NFATC4: variants seen among roughly 807,000 people sequenced by gnomAD.
NFATC4 encodes nuclear factor of activated T cells 4, also known as nuclear factor of activated T-cells, cytoplasmic 4.
In NFATC4, 25 loss-of-function variants were observed where a neutral mutation model predicts 73.4. The observed-to-expected ratio is 0.34, with a 90% confidence interval of 0.25 to 0.48. The LOEUF (loss-of-function observed/expected upper bound fraction) is 0.48. Among genes scored for constraint, NFATC4 ranks in the 20% least tolerant of loss-of-function variants. The pLI is 0.99. For synonymous variants in NFATC4, 523 were observed against 510.3 expected (o/e 1.02, Z -0.34); for missense variants, 1,130 against 1,203.7 (o/e 0.94, Z 0.91).
At position 24,369,891 on chromosome 14, in the gene NFATC4, G is replaced by A; in HGVS notation, c.493G>A (p.Ala165Thr). The change falls in exon 2 of 10, where the codon GCC becomes ACC. Residue 165 changes from alanine to threonine, a missense_variant. Physicochemically the swap from Ala to Thr is moderately conservative, Grantham distance 58. Around this residue, in one of 3 missense-constraint regions of NFATC4, gnomAD observed 585 missense variants for 574.3 expected, o/e 1.02. Transcript: ENST00000250373. ...AGAAGCAGGGGGCCAGGGTGGGGGG[G>A]CCTTCTTCAGCCCAAGCCCTGGCAG... is the stretch of plus-strand genomic sequence containing the variant. ...YREAGGQGGGAFFSPSPGSSS... is the reference protein window; with the variant it reads ...YREAGGQGGGTFFSPSPGSSS... 6.2e-7 allele frequency: 1 copy of A among 1,611,308 alleles called. No homozygotes were observed. The highest frequency in any genetic ancestry group is 8.5e-7 in the Non-Finnish European group (1 of 1,179,094).
intron 2 of NFATC4, 47 bp from the exon 3 acceptor site, chr14:24,372,394 C>A: frequency 1.3e-6 from 2 of 1,596,070 alleles, no homozygotes; most frequent in Middle Eastern, 4.2e-4. Context: ...ACGGGCCTGA[C>A]TGGGGTCTGA....
rs778422832 is a variant in NFATC4 at position 24,370,606 on chromosome 14, G to T, written c.1196+12G>T. 1.9e-6 allele frequency: 3 copies of T among 1,596,526 alleles called. No individual in the cohort carries two copies. The highest frequency in any genetic ancestry group is 2.6e-6 in the Non-Finnish European group (3 of 1,167,228). On this transcript the variant is annotated intron_variant, in intron 2 of 9. Coordinates refer to ENST00000250373, the MANE Select transcript of NFATC4 (RefSeq NM_004554.5). ...AGCCCTATCTTCAGGTGAGGGTTGC[G>T]CCTGGCACTACCGCTCTCTCTAGCC...
At chr14:24,375,142 C>A (rs566094529) in intron 6 of NFATC4, among the ~76,000 whole-genome samples, 1 of 152,204 alleles carries the variant, frequency 6.6e-6, no homozygotes, top group Non-Finnish European at 1.5e-5. Flanking sequence ...CTCAAGTGAT[C>A]CTTCCACCTT....
intron 3 of NFATC4, 41 bp downstream of exon 3, chr14:24,372,644 C>T: frequency 1.2e-6 from 2 of 1,611,252 alleles, no homozygotes; most frequent in Non-Finnish European, 1.7e-6. Flanking sequence ...CTCTCCTCTC[C>T]CAGATAGGTT....
rs1222936250 is a variant in NFATC4, at chr14:24,369,838, C to T, written c.440C>T (p.Pro147Leu). 6.2e-7 allele frequency: 1 copy of T among 1,606,094 alleles called. No homozygotes were observed. The highest frequency in any genetic ancestry group is 2.2e-5 in the East Asian group (1 of 44,624). ...AWGDGSPRDY[P>L]PPEGFGGYRE... ...GGGGACGGCTCTCCTAGAGATTACC[C>T]CCCACCAGAAGGCTTTGGGGGCTAC... Residue 147 changes from proline to leucine, a missense_variant, in exon 2 of 10, where the codon CCC becomes CTC. Pro to Leu is a moderately conservative substitution (Grantham distance 98). Transcript: ENST00000250373.
Position 24,377,278 on chromosome 14 carries a change from G to A in NFATC4, c.2642-360G>A, listed in dbSNP as rs995891829. 8.8e-6 allele frequency: 11 copies of A among 1,246,132 alleles called. No homozygotes were observed. Among genetic ancestry groups the A allele is most frequent in the South Asian group, 6.0e-5 (2 of 33,506 alleles). 77.2% of individuals were successfully genotyped at this position (1,246,132 alleles called of 1,614,324 possible). ...ATTGCCTCAGCTTTCCCCTAAACAC[G>A]GTGTCTGTGGTCAGGGTTGGTGAGG... On this transcript the variant is annotated intron_variant, in intron 9 of 9. Coordinates refer to ENST00000250373, the MANE Select transcript of NFATC4 (RefSeq NM_004554.5). This position sits in a 1 kb window ranked among gnomAD's most constrained non-coding sequence, Gnocchi z 4.2.
rs1210964714 is a variant in NFATC4, at chr14:24,375,676, G to A, written c.1890G>A (p.Trp630Ter). ...IERGPDGKLQ[W>*]EEEATVNRLQ... ...TCTGGACAGATGGGAAGCTGCAATG[G>A]GAGGAGGAGGCCACAGTGAACCGAC... Residue 630 changes from tryptophan (W) to a stop codon, truncating the protein, a stop_gained, in exon 7 of 10, where the codon TGG becomes TGA. Coordinates refer to ENST00000250373, the MANE Select transcript of NFATC4 (RefSeq NM_004554.5). LOFTEE classifies it high-confidence loss of function. The A allele has an allele frequency of 6.4e-7, 1 of 1,559,268 alleles. No homozygotes were observed. The highest frequency in any genetic ancestry group is 8.7e-7 in the Non-Finnish European group (1 of 1,150,764).
upstream of NFATC4, chr14:24,367,871 C>T (rs140413698): frequency 7.4e-7 from 1 of 1,352,086 alleles, no homozygotes; most frequent in Non-Finnish European, 9.5e-7. Flanking sequence ...GCTCTCGGAC[C>T]CAGAACCTTG....
At chr14:24,374,062 C>A in intron 5 of NFATC4, 195 bp downstream of exon 5, 1 of 928,182 alleles carries the variant, frequency 1.1e-6, no homozygotes, top group Non-Finnish European at 1.7e-6. Flanking sequence ...CAGAGTGACA[C>A]TGGACCCTAT....
rs764646561 is a variant in NFATC4, at chr14:24,372,531, C to T, written c.1287C>T (p.His429=). ...LRIEVQPRAH[H]RAHYETEGSR... is the part of the protein sequence containing the mutation. ...TCGAGGTACAGCCTAGAGCCCACCA[C>T]CGGGCCCACTATGAGACAGAAGGCA... The change falls in exon 3 of 10, where the codon CAC becomes CAT. Residue 429 remains histidine, a synonymous_variant. Coordinates refer to ENST00000250373, the MANE Select transcript of NFATC4 (RefSeq NM_004554.5). The T allele has an allele frequency of 1.9e-6, 3 of 1,613,982 alleles. No homozygotes were observed. The African/African-American group carries it at 4.0e-5, about 22-fold the overall frequency.
At position 24,373,460 on chromosome 14, in the gene NFATC4, G is replaced by GA; in HGVS notation, c.1559+92dup. ...GCTAGCCCACTTCTTCCTTTTCCCA[G>GA]AAGAGGTAGACATTTTTCCTAGGAG... On this transcript the variant is annotated intron_variant, in intron 4 of 9. Transcript: ENST00000250373. This position sits in a 1 kb window ranked among gnomAD's most constrained non-coding sequence, Gnocchi z 4.7. The GA allele has an allele frequency of 6.7e-7, 1 of 1,491,692 alleles. No individual in the cohort carries two copies. Among genetic ancestry groups the GA allele is most frequent in the South Asian group, 1.2e-5 (1 of 80,496 alleles). 92.4% of individuals were successfully genotyped at this position (1,491,692 alleles called of 1,614,324 possible).
At chr14:24,369,034 C>A in intron 1 of NFATC4, 5 of 1,329,286 alleles carry the variant, frequency 3.8e-6, no homozygotes, top group Non-Finnish European at 4.8e-6. Context: ...GAGGGAGGAG[C>A]CACCTCCCCT....
At position 24,372,611 on chromosome 14, in the gene NFATC4, A is replaced by C. The variant is rs563851037; in HGVS notation, c.1359+8A>C. Reference sequence around the variant, plus strand: ...GGTCACCCCGTAGTCAAGGTAAAGGACAGACAGCAGGCCTGATATCCTCTC... The same window carrying C: ...GGTCACCCCGTAGTCAAGGTAAAGGCCAGACAGCAGGCCTGATATCCTCTC... On this transcript the variant is annotated splice_region_variant and intron_variant, in intron 3 of 9. Transcript: ENST00000250373. 3.7e-6 allele frequency: 6 copies of C among 1,613,866 alleles called. No homozygotes were observed. Among genetic ancestry groups the C allele is most frequent in the Non-Finnish European group, 5.1e-6 (6 of 1,180,020 alleles).
chr14:24,369,931 C>T lies in NFATC4; in HGVS notation c.533C>T (p.Ser178Leu), dbSNP rs758156068. 2 of 1,612,892 alleles carry T rather than the reference C, an allele frequency of 1.2e-6. No homozygotes were observed. The highest frequency in any genetic ancestry group is 1.7e-5 in the Admixed American group (1 of 60,032). The change falls in exon 2 of 10, where the codon TCG becomes TTG. Residue 178 changes from serine (S) to leucine (L), a missense_variant. Coordinates refer to ENST00000250373, the MANE Select transcript of NFATC4 (RefSeq NM_004554.5). ...SPSPGSSSLS[S>L]WSFFSDASDE... ...AGCCCTGGCAGCAGCAGCCTGTCCT[C>T]GTGGAGCTTCTTCTCCGATGCCTCT...
At chr14:24,374,051 C>T in intron 5 of NFATC4, 184 bp downstream of exon 5, 1 of 986,128 alleles carries the variant, frequency 1.0e-6, no homozygotes, top group Non-Finnish European at 1.6e-6. Flanking sequence ...CTGGGGTGGC[C>T]CAGAGTGACA....
At chr14:24,375,601 C>G (rs2042590711) in intron 6 of NFATC4, 59 bp from the exon 7 acceptor site, 1 of 1,538,310 alleles carries the variant, frequency 6.5e-7, no homozygotes, top group African/African-American at 1.4e-5. Context: ...TGGCAGAGAA[C>G]TAGGGCAGGG....
rs1298236685 is a variant in NFATC4, at chr14:24,373,127, A to G, written c.1360-44A>G. 3 of 1,579,830 alleles carry G rather than the reference A, an allele frequency of 1.9e-6. No individual in the cohort carries two copies. The highest frequency in any genetic ancestry group is 2.6e-6 in the Non-Finnish European group (3 of 1,150,436). Reference sequence around the variant, plus strand: ...AATCTAGGGATGAATAAAGGATGAGACGGTGGGGATTTCAATGAGGTGGCC... The same window carrying G: ...AATCTAGGGATGAATAAAGGATGAGGCGGTGGGGATTTCAATGAGGTGGCC... On this transcript the variant is annotated intron_variant, in intron 3 of 9. Transcript: ENST00000250373. This position sits in a 1 kb window ranked among gnomAD's most constrained non-coding sequence, Gnocchi z 4.7.
At position 24,373,400 on chromosome 14, in the gene NFATC4, G is replaced by A. The variant is rs140668992; in HGVS notation, c.1559+30G>A. On this transcript the variant is annotated intron_variant, in intron 4 of 9. Coordinates refer to ENST00000250373, the MANE Select transcript of NFATC4 (RefSeq NM_004554.5). The surrounding 1 kb of genome is among the most constrained non-coding windows in gnomAD (Gnocchi z 4.7). The stretch of plus-strand genomic sequence containing the variant: ...GTCCCATGCAACTTCCCCTCAGTCC[G>A]CAGGCTTTGTACTAGCTTTCTCCAC... 7.0e-5 allele frequency: 113 copies of A among 1,610,174 alleles called. 2 individuals carry two copies. Among genetic ancestry groups the A allele is most frequent in the South Asian group, 4.4e-4 (40 of 90,808 alleles).
intron 6 of NFATC4, 155 bp downstream of exon 6, chr14:24,374,621 C>A (rs916294759): frequency 8.8e-6 from 6 of 682,162 alleles, no homozygotes; most frequent in Non-Finnish European, 1.2e-5. Context: ...ATACTGTCTG[C>A]TTTCCATGTG....
Sources: allele counts gnomAD v4.1 joint callset (sites outside exome capture counted in the v4.1 genomes callset), GRCh38; gene constraint gnomAD v4.1.1; regional missense constraint gnomAD v4.1.1; non-coding constraint Gnocchi (gnomAD v3.1); transcripts MANE v1.5; gene names NCBI Gene and HGNC (gene_info 2026-07-23, HGNC 2026-07-21).